The following DLGAP2 variants were observed in gnomAD, a reference collection of about 807,000 sequenced individuals.
The protein encoded by DLGAP2 is disks large-associated protein 2.
A neutral mutation model predicts 100.3 loss-of-function variants in DLGAP2; 26 were observed. The ratio of observed to expected loss-of-function variants is 0.26; its 90% CI spans 0.19 to 0.36. The LOEUF (loss-of-function observed/expected upper bound fraction) is 0.36. Ranked by LOEUF, DLGAP2 falls within the 10% of genes least tolerant of loss-of-function variation. The pLI, the probability that DLGAP2 is intolerant of heterozygous loss-of-function variation, is 1.00. For missense variants in DLGAP2, 1,858 were observed against 1,453.2 expected (o/e 1.28, Z -4.53); for synonymous variants, 886 against 630.1 (o/e 1.41, Z -6.08).
chr8:997,832 G>A (rs772535879), intron 2 of DLGAP2, among the ~76,000 whole-genome samples: 12 of 151,900 alleles, frequency 7.9e-5, no homozygotes, highest in African/African-American at 1.2e-4. Context: ...ATACAAACAC[G>A]CATACACGTG....
At chr8:1,652,267 G>A (rs1469996502) in intron 8 of DLGAP2, among the ~76,000 whole-genome samples, 1 of 152,096 alleles carries the variant, frequency 6.6e-6, no homozygotes, top group Admixed American at 6.6e-5. Context: ...AGCCCACCAC[G>A]TTCCTCATCC....
chr8:1,262,289 C>G (rs1799366916), intron 3 of DLGAP2: 1 of 152,132 alleles, frequency 6.6e-6, no homozygotes, highest in Non-Finnish European at 1.5e-5. Flanking sequence ...AGATCATGAT[C>G]TCAATATGCA....
At chr8:1,594,836 A>T (rs2977199) in intron 6 of DLGAP2, among the ~76,000 whole-genome samples, 2 of 151,962 alleles carry the variant, frequency 1.3e-5, no homozygotes, top group African/African-American at 4.8e-5. Context: ...CCTGCCCCTG[A>T]TCTTTCTCTG....
chr8:1,441,266 G>C (rs7827491), intron 3 of DLGAP2, among the ~76,000 whole-genome samples: 3 of 151,880 alleles, frequency 2.0e-5, no homozygotes, highest in Non-Finnish European at 4.4e-5. Context: ...ACTGCTTATC[G>C]TTGTATTTTA....
At chr8:853,140 A>G (rs574200212) in intron 1 of DLGAP2, among the ~76,000 whole-genome samples, 50 of 152,356 alleles carry the variant, frequency 3.3e-4, no homozygotes, top group African/African-American at 1.1e-3. Context: ...GAGTACCCAC[A>G]GTTCCGTGAT....
chr8:1,135,719 C>T (rs894460193), intron 2 of DLGAP2, among the ~76,000 whole-genome samples: 5 of 152,098 alleles, frequency 3.3e-5, no homozygotes, highest in African/African-American at 1.2e-4. Context: ...AGCCAAACCT[C>T]TCCATGGATC....
chr8:1,086,806 A>C (rs1803987559), intron 2 of DLGAP2, among the ~76,000 whole-genome samples: 1 of 152,232 alleles, frequency 6.6e-6, no homozygotes. Flanking sequence ...TGATGCAGCA[A>C]TCATAGGGCA....
intron 3 of DLGAP2, among the ~76,000 whole-genome samples, chr8:1,434,504 TCTCA>T (rs1391393616): frequency 2.6e-5 from 4 of 151,888 alleles, no homozygotes; most frequent in Admixed American, 2.6e-4. Context: ...TGAGACAGTG[TCTCA>T]CTCTGTTTCC....
intron 4 of DLGAP2, among the ~76,000 whole-genome samples, chr8:1,519,267 C>A (rs577900147): frequency 6.6e-6 from 1 of 151,790 alleles, no homozygotes; most frequent in African/African-American, 2.4e-5. Flanking sequence ...TCCCATCCTA[C>A]GCCTGAAAAC....
intron 1 of DLGAP2, among the ~76,000 whole-genome samples, chr8:783,962 C>T (rs1263725924): frequency 2.0e-5 from 3 of 152,216 alleles, no homozygotes; most frequent in African/African-American, 7.2e-5. Context: ...ATGGTAAGTG[C>T]TCAGTGATTT....
chr8:1,571,451 GGA>G (rs372020604), intron 6 of DLGAP2, among the ~76,000 whole-genome samples: 7 of 138,008 alleles, frequency 5.1e-5, no homozygotes, highest in African/African-American at 1.6e-4. Flanking sequence ...GAGATGGAGA[GGA>G]GAGAGGGGTG....
chr8:1,053,438 A>T (rs1393810379), intron 2 of DLGAP2, among the ~76,000 whole-genome samples: 1 of 152,188 alleles, frequency 6.6e-6, no homozygotes, highest in Admixed American at 6.5e-5. Flanking sequence ...AGAAGGAACC[A>T]GAAGGACCAG....
chr8:1,219,028 A>G (rs1289728489), intron 2 of DLGAP2, among the ~76,000 whole-genome samples: 1 of 152,184 alleles, frequency 6.6e-6, no homozygotes, highest in Non-Finnish European at 1.5e-5. Context: ...TTGGGCAGAA[A>G]CTGCGGGGTT....
chr8:1,172,724 TTCAGCTCCA>T (rs1329269049), intron 2 of DLGAP2, among the ~76,000 whole-genome samples: 1 of 152,228 alleles, frequency 6.6e-6, no homozygotes, highest in Non-Finnish European at 1.5e-5. Context: ...AGCCTTGGCT[TTCAGCTCCA>T]TCAGCTCCTT....
Position 1,466,766 on chromosome 8 carries a change from G to C in DLGAP2, c.107-34600G>C, listed in dbSNP as rs896359466. On this transcript the variant is annotated intron_variant, in intron 3 of 14. Transcript: ENST00000637795. ...AATGATCACCATTGCGTGGATAGTGGTGTGATGTGGTTGGTGAGACGTGTG... is the reference window on the plus strand; with the variant it reads ...AATGATCACCATTGCGTGGATAGTGCTGTGATGTGGTTGGTGAGACGTGTG... Among the ~76,000 whole-genome samples, 5 of 152,288 alleles carry C rather than the reference G, an allele frequency of 3.3e-5. 1 individual carries two copies. The East Asian group carries it at 9.6e-4, about 29-fold the overall frequency.
chr8:1,609,893 C>T (rs2130728848), intron 6 of DLGAP2, among the ~76,000 whole-genome samples: 1 of 149,756 alleles, frequency 6.7e-6, no homozygotes, highest in East Asian at 2.0e-4. Context: ...TAAAGCAAGT[C>T]CTGAGTGACC....
At chr8:1,262,983 G>A (rs1021473250) in intron 3 of DLGAP2, among the ~76,000 whole-genome samples, 1 of 152,152 alleles carries the variant, frequency 6.6e-6, no homozygotes, top group Non-Finnish European at 1.5e-5. Flanking sequence ...AATGATGCCT[G>A]GTGGGGCCGG....
chr8:1,275,787 A>G lies in DLGAP2; in HGVS notation c.106+16904A>G, dbSNP rs894018743. On this transcript the variant is annotated intron_variant, in intron 3 of 14. Coordinates refer to ENST00000637795, the MANE Select transcript of DLGAP2 (RefSeq NM_001346810.2). ...AAATATATATTATATATAAAAATAT[A>G]TAATATATAAATAAATATATAAGAT... Among the ~76,000 whole-genome samples the G allele has an allele frequency of 1.5e-3, 188 of 129,244 alleles. 1 individual carries two copies. Among genetic ancestry groups the G allele is most frequent in the African/African-American group, 5.3e-3 (180 of 33,868 alleles). 84.8% of individuals were successfully genotyped at this position (129,244 alleles called of 152,430 possible).
rs1222811920 is a variant in DLGAP2 at position 1,683,854 on chromosome 8, ATATGTGTGTG to A, written c.2704+5227_2704+5236del. On this transcript the variant is annotated intron_variant, in intron 12 of 14. Coordinates refer to ENST00000637795, the MANE Select transcript of DLGAP2 (RefSeq NM_001346810.2). ...CTCCACTATATATATATATATATAT[ATATGTGTGTG>A]TGTGTGTGTGTGTGTGTGTGTGTGT... is the stretch of plus-strand genomic sequence containing the variant. Among the ~76,000 whole-genome samples, 428 of 72,930 alleles carry A rather than the reference ATATGTGTGTG, an allele frequency of 5.9e-3. 15 individuals are homozygous for A. The highest frequency in any genetic ancestry group is 0.035 in the African/African-American group (408 of 11,772). The allele number at this position is 72,930 out of a possible 152,430, so 47.8% of individuals were successfully genotyped here.
Sources: gnomAD v4.1 joint callset for allele counts (sites outside exome capture counted in the v4.1 genomes callset) on GRCh38, gnomAD v4.1.1 for gene constraint, MANE v1.5 for transcripts, NCBI Gene and HGNC (gene_info 2026-07-23, HGNC 2026-07-21) for gene names.